Variants in UGT2B28 observed in about 807,000 individuals in gnomAD.
UGT2B28 encodes UDP-glucuronosyltransferase 2B28.
Under a neutral mutation model 43.6 loss-of-function variants are expected in UGT2B28, and 45 were observed. The ratio of observed to expected loss-of-function variants is 1.03; its 90% CI spans 0.81 to 1.32. UGT2B28 has a LOEUF of 1.32. UGT2B28 is among the 40% of genes most tolerant of loss of function. The pLI, the probability that UGT2B28 is intolerant of heterozygous loss-of-function variation, is 0.00. For missense variants in UGT2B28, 649 were observed against 625.5 expected, an observed-to-expected ratio of 1.04 and a Z score of -0.40; for synonymous variants, 204 against 208.1, an observed-to-expected ratio of 0.98 and a Z score of 0.17.
rs201540760 is a variant in UGT2B28 at position 69,286,728 on chromosome 4, T to G, written c.871-24T>G. ...TGCCTGCTGTGGTGATACTCTTTTG[T>G]GATTAAACAATTTTTTTTCACAGGA... is the stretch of plus-strand genomic sequence containing the variant. On this transcript the variant is annotated intron_variant, in intron 2 of 5. Coordinates refer to ENST00000335568, the MANE Select transcript of UGT2B28 (RefSeq NM_053039.2). The G allele has an allele frequency of 3.6e-3, 5,636 of 1,552,348 alleles. 733 individuals carry two copies. Among genetic ancestry groups the G allele is most frequent in the Non-Finnish European group, 4.5e-3 (5,141 of 1,152,956 alleles).
rs1724065075 is a variant in UGT2B28 at position 69,294,969 on chromosome 4, G to C, written c.*160G>C. The stretch of plus-strand genomic sequence containing the variant: ...GTCAAGTAAAAATTTGTTTTTCAGA[G>C]ATTTACCACCCAGGTAATGGTTAGA... On this transcript the variant is annotated 3_prime_UTR_variant, in exon 6 of 6. Transcript: ENST00000335568. 5.2e-6 allele frequency: 5 copies of C among 957,596 alleles called. 1 individual carries two copies. The highest frequency in any genetic ancestry group is 5.6e-6 in the Non-Finnish European group (4 of 717,558). The allele number at this position is 957,596 out of a possible 1,614,324, so 59.3% of individuals were successfully genotyped here. A position where few individuals can be genotyped will look rare whatever the true frequency, so the allele number is the denominator to read the frequency against.
chr4:69,293,063 A>G (rs1287748125), intron 5 of UGT2B28, among the ~76,000 whole-genome samples: 2 of 140,892 alleles, frequency 1.4e-5, no homozygotes, highest in African/African-American at 5.5e-5. Context: ...ATATCTATTC[A>G]TCGTAAAATG....
In UGT2B28 at chr4:69,280,643, A is replaced by G. The variant is rs1481590590; in HGVS notation, c.143A>G (p.Gln48Arg). ...NMKTILKELV[Q>R]RGHEVTVLAS... ...AAGACAATCCTGAAAGAGCTTGTTC[A>G]GAGAGGTCATGAGGTGACTGTACTG... is the stretch of plus-strand genomic sequence containing the variant. Residue 48 changes from glutamine to arginine, a missense_variant, in exon 1 of 6, where the codon CAG (glutamine) becomes CGG (arginine). Transcript: ENST00000335568. 2 of 1,561,520 alleles carry G rather than the reference A, an allele frequency of 1.3e-6. 1 individual carries two copies. The highest frequency in any genetic ancestry group is 1.7e-6 in the Non-Finnish European group (2 of 1,156,240).
chr4:69,288,190 A>G (rs1723836705), intron 3 of UGT2B28, among the ~76,000 whole-genome samples: 1 of 138,974 alleles, frequency 7.2e-6, no homozygotes, highest in African/African-American at 2.8e-5. Context: ...TACTGGTAAT[A>G]TTCTGAATTT....
intron 2 of UGT2B28, among the ~76,000 whole-genome samples, chr4:69,285,164 A>C (rs1379634787): frequency 1.4e-5 from 2 of 140,036 alleles, no homozygotes; most frequent in Non-Finnish European, 3.0e-5. Context: ...ATATACAATA[A>C]GATTGAAATT....
At chr4:69,285,906 CAA>C (rs1723761107) in intron 2 of UGT2B28, among the ~76,000 whole-genome samples, 1 of 141,174 alleles carries the variant, frequency 7.1e-6, no homozygotes, top group South Asian at 2.3e-4. Flanking sequence ...TGAGACACAA[CAA>C]AGTGATGATG....
Position 69,280,487 on chromosome 4 carries a change from T to G in UGT2B28, c.-14T>G, listed in dbSNP as rs766739745. Reference sequence around the variant, plus strand: ...GAAACAGTGACTTGAAAAGAATGATTGCATTGCACCAGGATGGCTCTGAAG... The same window carrying G: ...GAAACAGTGACTTGAAAAGAATGATGGCATTGCACCAGGATGGCTCTGAAG... On this transcript the variant is annotated 5_prime_UTR_variant, in exon 1 of 6. In the 5' UTR this introduces an upstream ATG that the reference lacks. Coordinates refer to ENST00000335568, the MANE Select transcript of UGT2B28 (RefSeq NM_053039.2). The G allele has an allele frequency of 1.9e-6, 3 of 1,542,776 alleles. No homozygotes were observed. The highest frequency in any genetic ancestry group is 2.6e-6 in the Non-Finnish European group (3 of 1,148,990).
At chr4:69,286,212 T>C (rs538207825) in intron 2 of UGT2B28, among the ~76,000 whole-genome samples, 1 of 141,612 alleles carries the variant, frequency 7.1e-6, no homozygotes, top group East Asian at 2.0e-4. Flanking sequence ...GCATAAAGCA[T>C]TGTAGAGGAA....
Position 69,290,528 on chromosome 4 carries a change from G to A in UGT2B28, c.1091-64G>A. 3.3e-6 allele frequency: 5 copies of A among 1,521,164 alleles called. No homozygotes were observed. In the Middle Eastern group the frequency reaches 5.6e-4, roughly 171 times the overall value. The allele number at this position is 1,521,164 out of a possible 1,614,324, so 94.2% of individuals were successfully genotyped here. ...TCTAGAAAACACTGTCACTTTCAGA[G>A]CATTTCATTGTGTATCGCATTTTAT... On this transcript the variant is annotated intron_variant, in intron 4 of 5. Transcript: ENST00000335568.
chr4:69,294,940 C>G lies in UGT2B28; in HGVS notation c.*131C>G. ...AAAAAAAAAAACTTTTCAAAATCTA[C>G]CTTGTCAAGTAAAAATTTGTTTTTC... On this transcript the variant is annotated 3_prime_UTR_variant, in exon 6 of 6. Coordinates refer to ENST00000335568, the MANE Select transcript of UGT2B28 (RefSeq NM_053039.2). 3 of 1,237,818 alleles carry G rather than the reference C, an allele frequency of 2.4e-6. No individual in the cohort carries two copies. Among genetic ancestry groups the G allele is most frequent in the Non-Finnish European group, 3.1e-6 (3 of 958,610 alleles). 76.7% of individuals were successfully genotyped at this position (1,237,818 alleles called of 1,614,324 possible).
chr4:69,292,602 A>G (rs1182733135), intron 5 of UGT2B28, among the ~76,000 whole-genome samples: 1 of 140,692 alleles, frequency 7.1e-6, no homozygotes, highest in African/African-American at 2.8e-5. Flanking sequence ...TAACAAATGG[A>G]TTCTTACAAT....
At chr4:69,286,705 C>A (rs752470550) in intron 2 of UGT2B28, 47 bp from the exon 3 acceptor site, 2 of 1,532,464 alleles carry the variant, frequency 1.3e-6, no homozygotes, top group Non-Finnish European at 8.7e-7. Flanking sequence ...TTTAGTAGTG[C>A]CTGCTGTGGT....
At chr4:69,283,616 T>A (rs1232115660) in intron 2 of UGT2B28, among the ~76,000 whole-genome samples, 1 of 140,316 alleles carries the variant, frequency 7.1e-6, no homozygotes, top group Non-Finnish European at 1.5e-5. Flanking sequence ...GTGGAAGAAA[T>A]ATTAAAACAG....
Position 69,293,530 on chromosome 4 carries a change from G to A in UGT2B28, c.1311-1000G>A, listed in dbSNP as rs1461181141. 1.4e-5 allele frequency among the ~76,000 whole-genome samples: 2 copies of A among 140,374 alleles called. 1 individual carries two copies. Among genetic ancestry groups the A allele is most frequent in the African/African-American group, 5.6e-5 (2 of 35,900 alleles). The allele number at this position is 140,374 out of a possible 152,430, so 92.1% of individuals were successfully genotyped here. A position where few individuals can be genotyped will look rare whatever the true frequency, so the allele number is the denominator to read the frequency against. On this transcript the variant is annotated intron_variant, in intron 5 of 5. Transcript: ENST00000335568. Reference sequence around the variant, plus strand: ...AGAAAATTCTAGAGGCTCCATCACAGTTTGGCCAATAAAAGCCTCTCTTAG... The same window carrying A: ...AGAAAATTCTAGAGGCTCCATCACAATTTGGCCAATAAAAGCCTCTCTTAG...
intron 1 of UGT2B28, 115 bp downstream of exon 1, chr4:69,281,336 A>C (rs1723603479): frequency 1.6e-6 from 2 of 1,216,784 alleles, no homozygotes; most frequent in Non-Finnish European, 2.2e-6. Context: ...TGAATTTATG[A>C]AATGAAAATA....
rs144771515 is a variant in UGT2B28, at chr4:69,281,180, G to A, written c.680G>A (p.Cys227Tyr). 6.5e-7 allele frequency: 1 copy of A among 1,543,474 alleles called. No individual in the cohort carries two copies. Among genetic ancestry groups the A allele is most frequent in the Non-Finnish European group, 8.7e-7 (1 of 1,149,338 alleles). ...TATTTTGACTTTTGGTTCCAAATGT[G>A]TGATATGAAGAAGTGGGATCAGTTT... Reference protein sequence around the residue: ...VLYFDFWFQMCDMKKWDQFYS... With the variant: ...VLYFDFWFQMYDMKKWDQFYS... Residue 227 changes from cysteine (C) to tyrosine (Y), a missense_variant, in exon 1 of 6, where the codon TGT (cysteine) becomes TAT (tyrosine). Coordinates refer to ENST00000335568, the MANE Select transcript of UGT2B28 (RefSeq NM_053039.2).
chr4:69,289,684 G>A lies in UGT2B28; in HGVS notation c.1022G>A (p.Gly341Glu). Residue 341 changes from glycine to glutamate, a missense_variant, in exon 4 of 6, where the codon GGG (glycine) becomes GAG (glutamate). By Grantham distance (98) the Gly-to-Glu change is moderately conservative. Coordinates refer to ENST00000335568, the MANE Select transcript of UGT2B28 (RefSeq NM_053039.2). ...TAACAGGTTCTGTGGAGATTTGATGGGAATAAACCAGATGCCTTAGGTCTC... is the reference window on the plus strand; with the variant it reads ...TAACAGGTTCTGTGGAGATTTGATGAGAATAAACCAGATGCCTTAGGTCTC... ...IPQKVLWRFD[G>E]NKPDALGLNT... is the part of the protein sequence containing the mutation. 6.4e-7 allele frequency: 1 copy of A among 1,556,986 alleles called. No homozygotes were observed. Among genetic ancestry groups the A allele is most frequent in the South Asian group, 1.2e-5 (1 of 83,564 alleles).
Position 69,294,846 on chromosome 4 carries a change from T to C in UGT2B28, c.*37T>C, listed in dbSNP as rs758637466. ...ATTTGAAGCTGGAAAACCAGATAGA[T>C]GGGTTGACATCAGTTTATTCCAGCA... On this transcript the variant is annotated 3_prime_UTR_variant, in exon 6 of 6. Transcript: ENST00000335568. 1.3e-6 allele frequency: 2 copies of C among 1,519,054 alleles called. No individual in the cohort carries two copies. Among genetic ancestry groups the C allele is most frequent in the Admixed American group, 3.9e-5 (2 of 51,682 alleles). 94.1% of individuals were successfully genotyped at this position (1,519,054 alleles called of 1,614,324 possible).
In UGT2B28 at chr4:69,280,773, G is replaced by T; in HGVS notation, c.273G>T (p.Met91Ile). The T allele has an allele frequency of 6.4e-7, 1 of 1,567,562 alleles. No homozygotes were observed. Among genetic ancestry groups the T allele is most frequent in the Non-Finnish European group, 8.6e-7 (1 of 1,159,276 alleles). Residue 91 changes from methionine (M) to isoleucine (I), a missense_variant, in exon 1 of 6, where the codon ATG becomes ATT. By Grantham distance (10) the Met-to-Ile change is conservative (BLOSUM62 1). Coordinates refer to ENST00000335568, the MANE Select transcript of UGT2B28 (RefSeq NM_053039.2). ...AAACTGAATTTGAGAATATCATCAT[G>T]CAACAGGTTAAGAGATGGTCAGACA... ...LTKTEFENIIMQQVKRWSDIQ... is the reference protein window; with the variant it reads ...LTKTEFENIIIQQVKRWSDIQ...
Sources: gnomAD v4.1 joint callset for allele counts (sites outside exome capture counted in the v4.1 genomes callset) on GRCh38, gnomAD v4.1.1 for gene constraint, MANE v1.5 for transcripts, NCBI Gene and HGNC (gene_info 2026-07-23, HGNC 2026-07-21) for gene names.